MEOX2: variants seen among roughly 807,000 people sequenced by gnomAD.
The protein encoded by MEOX2 is homeobox protein MOX-2.
MEOX2 carries 11 observed loss-of-function variants against 27.0 expected under a neutral mutation model. The observed-to-expected ratio is 0.41, with a 90% CI of 0.26 to 0.68. The LOEUF is 0.68. MEOX2 is among the 30% of genes least tolerant of loss of function. The probability of loss-of-function intolerance (pLI) is 0.33; values close to 1 mark genes in which losing one functional copy is unlikely to be tolerated. For synonymous variants in MEOX2, 189 were observed against 155.4 expected (o/e 1.22, Z -1.61); for missense variants, 436 against 385.4 (o/e 1.13, Z -1.10).
Position 15,646,024 on chromosome 7 carries a change from A to G in MEOX2, c.518-19106T>C, listed in dbSNP as rs1781642636. Among the ~76,000 whole-genome samples, 4 of 152,226 alleles carry G rather than the reference A, an allele frequency of 2.6e-5. No individual in the cohort carries two copies. In the South Asian group the frequency reaches 8.3e-4, roughly 32 times the overall value. On this transcript the variant is annotated intron_variant, in intron 1 of 2. Transcript: ENST00000262041. ...GAAGAATGTTTATGTGATAATATGT[A>G]AGTTAGTAGCCACACAATAAATGCT...
At chr7:15,672,763 G>A (rs1469118033) in intron 1 of MEOX2, among the ~76,000 whole-genome samples, 3 of 151,754 alleles carry the variant, frequency 2.0e-5, no homozygotes, top group Middle Eastern at 3.2e-3. Flanking sequence ...ATGGTGGCAC[G>A]TGCCTGTAGT....
chr7:15,685,528 C>A (rs188582582), intron 1 of MEOX2, among the ~76,000 whole-genome samples: 28 of 152,336 alleles, frequency 1.8e-4, no homozygotes, highest in African/African-American at 6.7e-4. Flanking sequence ...CACGCCTGCC[C>A]AACGGACGCT....
intron 1 of MEOX2, among the ~76,000 whole-genome samples, chr7:15,684,510 A>AAGTT (rs1445381483): frequency 6.6e-6 from 1 of 152,308 alleles, no homozygotes; most frequent in East Asian, 1.9e-4. Context: ...TGGAAAATAA[A>AAGTT]AGTTAGCTTT....
chr7:15,634,486 T>A (rs1781451974), intron 1 of MEOX2, among the ~76,000 whole-genome samples: 1 of 151,996 alleles, frequency 6.6e-6, no homozygotes, highest in Non-Finnish European at 1.5e-5. Flanking sequence ...CATACTTGTA[T>A]TTTAAAATGT....
At chr7:15,685,486 C>G (rs1027744758) in intron 1 of MEOX2, among the ~76,000 whole-genome samples, 12 of 152,220 alleles carry the variant, frequency 7.9e-5, no homozygotes, top group Admixed American at 3.3e-4. Context: ...CGGCAACTTG[C>G]AAGAGAAAAG....
At chr7:15,673,208 T>C (rs1279131969) in intron 1 of MEOX2, among the ~76,000 whole-genome samples, 1 of 152,176 alleles carries the variant, frequency 6.6e-6, no homozygotes, top group African/African-American at 2.4e-5. Flanking sequence ...AGTGCATATT[T>C]CTGATCCAAG....
At chr7:15,636,291 T>A (rs1460526573) in intron 1 of MEOX2, among the ~76,000 whole-genome samples, 1 of 152,002 alleles carries the variant, frequency 6.6e-6, no homozygotes, top group Non-Finnish European at 1.5e-5. Flanking sequence ...TTTTCTGAAA[T>A]AATCATATCG....
intron 1 of MEOX2, among the ~76,000 whole-genome samples, chr7:15,670,880 A>T (rs772556741): frequency 2.6e-5 from 4 of 152,184 alleles, no homozygotes; most frequent in Non-Finnish European, 5.9e-5. Context: ...GACTATTCTA[A>T]ACTGGTAATT....
At chr7:15,630,834 T>C (rs1403766521) in intron 1 of MEOX2, among the ~76,000 whole-genome samples, 1 of 151,956 alleles carries the variant, frequency 6.6e-6, no homozygotes, top group African/African-American at 2.4e-5. Flanking sequence ...ATTGCCTTCT[T>C]TATGGGCACT....
intron 1 of MEOX2, among the ~76,000 whole-genome samples, chr7:15,661,286 C>T (rs770383226): frequency 6.6e-6 from 1 of 152,040 alleles, no homozygotes; most frequent in Non-Finnish European, 1.5e-5. Context: ...ACATAATAAA[C>T]TAAGAACCGT....
At chr7:15,685,512 C>G (rs947182966) in intron 1 of MEOX2, among the ~76,000 whole-genome samples, 12 of 152,196 alleles carry the variant, frequency 7.9e-5, no homozygotes, top group African/African-American at 2.9e-4. Context: ...AAGCGGCACC[C>G]GCACGCACGC....
rs890560788 is a variant in MEOX2 at position 15,671,520 on chromosome 7, A to C, written c.517+14366T>G. 2.0e-5 allele frequency among the ~76,000 whole-genome samples: 3 copies of C among 152,290 alleles called. No individual in the cohort carries two copies. In the South Asian group the frequency reaches 6.2e-4, roughly 32 times the overall value. On this transcript the variant is annotated intron_variant, in intron 1 of 2. Transcript: ENST00000262041. The stretch of plus-strand genomic sequence containing the variant: ...AGACAGTTTACGTGACTAAGCCCAG[A>C]CCCAGAGCTGAAATGACTTTATTAG...
At chr7:15,631,933 G>GTGTGTGT (rs66500166) in intron 1 of MEOX2, among the ~76,000 whole-genome samples, 1 of 32,426 alleles carries the variant, frequency 3.1e-5, no homozygotes, top group African/African-American at 5.8e-5. Flanking sequence ...TGTGTGTGTG[G>GTGTGTGT]AGAGAAAGAG....
chr7:15,677,981 G>A (rs938847605), intron 1 of MEOX2, among the ~76,000 whole-genome samples: 8 of 152,096 alleles, frequency 5.3e-5, no homozygotes, highest in Admixed American at 5.2e-4. Flanking sequence ...GAATAGTTCT[G>A]GAGGAAAAAT....
chr7:15,667,666 A>C (rs1782031265), intron 1 of MEOX2, among the ~76,000 whole-genome samples: 2 of 152,170 alleles, frequency 1.3e-5, no homozygotes, highest in Non-Finnish European at 1.5e-5. Context: ...CCATTTATGA[A>C]AATCATCCTT....
intron 1 of MEOX2, chr7:15,680,953 C>T (rs1015819165): frequency 6.6e-6 from 1 of 151,232 alleles, no homozygotes; most frequent in Non-Finnish European, 1.5e-5. Context: ...TAAGCCTTCT[C>T]TTTTTATTAT....
chr7:15,614,259 T>G (rs1781086418), intron 2 of MEOX2, among the ~76,000 whole-genome samples: 1 of 115,706 alleles, frequency 8.6e-6, no homozygotes, highest in African/African-American at 3.3e-5. Context: ...TAAAATAAAA[T>G]AAAATTAGGT....
At chr7:15,656,437 CT>C (rs1188980982) in intron 1 of MEOX2, among the ~76,000 whole-genome samples, 116 of 143,668 alleles carry the variant, frequency 8.1e-4, no homozygotes, top group Middle Eastern at 3.6e-3. Flanking sequence ...TCATGTTTTT[CT>C]TTTTTTTTTT....
At chr7:15,619,669 G>C (rs1230717698) in intron 2 of MEOX2, among the ~76,000 whole-genome samples, 1 of 151,782 alleles carries the variant, frequency 6.6e-6, no homozygotes, top group Non-Finnish European at 1.5e-5. Flanking sequence ...TCTATAGATA[G>C]ATACATCTCC....
Sources: gnomAD v4.1 joint callset for allele counts (sites outside exome capture counted in the v4.1 genomes callset) on GRCh38, gnomAD v4.1.1 for gene constraint, MANE v1.5 for transcripts, NCBI Gene and HGNC (gene_info 2026-07-23, HGNC 2026-07-21) for gene names.